The following CCDC91 variants were observed in gnomAD, a reference collection of about 807,000 sequenced individuals.
CCDC91 encodes coiled-coil domain-containing protein 91.
CCDC91 carries 48 observed loss-of-function variants against 63.2 expected under a neutral mutation model. The observed-to-expected ratio is 0.76, with a 90% CI of 0.60 to 0.97. CCDC91 has a LOEUF of 0.97. Among genes scored for constraint, CCDC91 ranks in the 50% least tolerant of loss-of-function variants. The pLI, the probability that CCDC91 is intolerant of heterozygous loss-of-function variation, is 0.00. For missense variants in CCDC91, 500 were observed against 494.6 expected, an observed-to-expected ratio of 1.01 and a Z score of -0.10; for synonymous variants, 167 against 165.8, an observed-to-expected ratio of 1.01 and a Z score of -0.06.
chr12:28,401,863 T>A (rs1425320180), intron 8 of CCDC91, among the ~76,000 whole-genome samples: 1 of 152,206 alleles, frequency 6.6e-6, no homozygotes, highest in Non-Finnish European at 1.5e-5. Flanking sequence ...TTTTCCTAGG[T>A]TAAGTTTGTG....
intron 6 of CCDC91, among the ~76,000 whole-genome samples, chr12:28,334,120 G>C (rs1941740001): frequency 6.6e-6 from 1 of 151,690 alleles, no homozygotes; most frequent in Non-Finnish European, 1.5e-5. Flanking sequence ...TGCAGGGAGG[G>C]GTTTATGAGT....
intron 6 of CCDC91, among the ~76,000 whole-genome samples, chr12:28,319,708 TAA>T (rs1940281012): frequency 6.6e-6 from 1 of 151,576 alleles, no homozygotes; most frequent in African/African-American, 2.4e-5. Context: ...AATATAATAA[TAA>T]GAGAAAAAGT....
At chr12:28,310,933 T>C (rs1565778101) in intron 6 of CCDC91, among the ~76,000 whole-genome samples, 1 of 152,048 alleles carries the variant, frequency 6.6e-6, no homozygotes, top group Non-Finnish European at 1.5e-5. Context: ...TAGTATTTTC[T>C]TACCCAAGTT....
rs184246228 is a variant in CCDC91, at chr12:28,290,479, A to C, written c.110-15170A>C. 1.0e-3 allele frequency among the ~76,000 whole-genome samples: 157 copies of C among 152,238 alleles called. 1 individual carries two copies. The highest frequency in any genetic ancestry group is 3.4e-3 in the African/African-American group (142 of 41,550). On this transcript the variant is annotated intron_variant, in intron 3 of 12. Coordinates refer to ENST00000536442, the MANE Select transcript of CCDC91 (RefSeq NM_018318.5). ...TCCAGCTTGCCACTCTGTGCCTTTTAATTAAGGCATTTAGCCCATTTACAT... is the reference window on the plus strand; with the variant it reads ...TCCAGCTTGCCACTCTGTGCCTTTTCATTAAGGCATTTAGCCCATTTACAT...
At chr12:28,383,960 G>A (rs1236223243) in intron 7 of CCDC91, among the ~76,000 whole-genome samples, 1 of 152,040 alleles carries the variant, frequency 6.6e-6, no homozygotes, top group African/African-American at 2.4e-5. Context: ...CTGAATTATA[G>A]GCAAACAAAG....
chr12:28,427,382 C>T lies in CCDC91; in HGVS notation c.763-22779C>T, dbSNP rs75867033. 8.1e-3 allele frequency among the ~76,000 whole-genome samples: 1,231 copies of T among 152,206 alleles called. 15 individuals carry two copies. Among genetic ancestry groups the T allele is most frequent in the African/African-American group, 0.029 (1,188 of 41,528 alleles). ...TTCATAATGGTTACACTTCTCTTCC[C>T]TTCGCCAGAACCATGAGAAGAGCTT... On this transcript the variant is annotated intron_variant, in intron 8 of 12. Transcript: ENST00000536442.
intron 1 of CCDC91, chr12:28,225,796 C>T (rs536931150): frequency 6.6e-6 from 1 of 152,298 alleles, no homozygotes; most frequent in East Asian, 1.9e-4. Context: ...TTTGTTTAGG[C>T]TTCTAACCCT....
intron 3 of CCDC91, among the ~76,000 whole-genome samples, chr12:28,280,161 A>G (rs1948511093): frequency 6.6e-6 from 1 of 152,146 alleles, no homozygotes; most frequent in African/African-American, 2.4e-5. Flanking sequence ...TTTCTCCTGT[A>G]TTTGATCTAT....
At chr12:28,441,801 C>T (rs1949239932) in intron 8 of CCDC91, among the ~76,000 whole-genome samples, 1 of 150,590 alleles carries the variant, frequency 6.6e-6, no homozygotes. Flanking sequence ...AGGAAAATAT[C>T]AGAACACTTG....
intron 8 of CCDC91, among the ~76,000 whole-genome samples, chr12:28,446,520 A>T (rs1285197003): frequency 6.6e-6 from 1 of 152,126 alleles, no homozygotes; most frequent in African/African-American, 2.4e-5. Flanking sequence ...TGTAGTTTTA[A>T]TATAAATACA....
intron 12 of CCDC91, among the ~76,000 whole-genome samples, chr12:28,510,293 G>A (rs1196754846): frequency 7.4e-6 from 1 of 134,760 alleles, no homozygotes; most frequent in Non-Finnish European, 1.7e-5. Flanking sequence ...TGGCTGTCAT[G>A]ATTCTGGAGG....
At chr12:28,266,712 A>C (rs1030578198) in intron 3 of CCDC91, among the ~76,000 whole-genome samples, 14 of 151,882 alleles carry the variant, frequency 9.2e-5, no homozygotes, top group Non-Finnish European at 2.1e-4. Context: ...TGTGGTGTGC[A>C]TTTTAGGATA....
intron 12 of CCDC91, among the ~76,000 whole-genome samples, chr12:28,490,242 C>G (rs561589075): frequency 1.1e-4 from 17 of 151,932 alleles, no homozygotes; most frequent in South Asian, 4.1e-4. Context: ...ATTAACAATT[C>G]AGCATCTGTG....
At chr12:28,405,399 T>C (rs1035625162) in intron 8 of CCDC91, among the ~76,000 whole-genome samples, 1 of 152,152 alleles carries the variant, frequency 6.6e-6, no homozygotes, top group Non-Finnish European at 1.5e-5. Flanking sequence ...GCTATTGTTA[T>C]TTTAAAGAAA....
chr12:28,403,890 A>G (rs1351815414), intron 8 of CCDC91, among the ~76,000 whole-genome samples: 5 of 151,950 alleles, frequency 3.3e-5, no homozygotes, highest in Admixed American at 1.3e-4. Flanking sequence ...CATTTCTGAC[A>G]TTAGTAATTT....
chr12:28,361,687 A>G (rs1943898141), intron 6 of CCDC91, among the ~76,000 whole-genome samples: 1 of 151,356 alleles, frequency 6.6e-6, no homozygotes, highest in Non-Finnish European at 1.5e-5. Context: ...TAGAATTTCT[A>G]TTTTATGGAT....
rs563929308 is a variant in CCDC91, at chr12:28,411,538, A to G, written c.762+20127A>G. Reference sequence around the variant, plus strand: ...AGCTAACTCTTGACTTCTTTGTCATATTTCACTTTCTCTTCCTTCCCTAAA... The same window carrying G: ...AGCTAACTCTTGACTTCTTTGTCATGTTTCACTTTCTCTTCCTTCCCTAAA... On this transcript the variant is annotated intron_variant, in intron 8 of 12. Transcript: ENST00000536442. Among the ~76,000 whole-genome samples, 7 of 152,288 alleles carry G rather than the reference A, an allele frequency of 4.6e-5. No homozygotes were observed. The South Asian group carries it at 1.2e-3, about 27-fold the overall frequency.
chr12:28,410,335 T>C (rs1341952894), intron 8 of CCDC91, among the ~76,000 whole-genome samples: 1 of 152,212 alleles, frequency 6.6e-6, no homozygotes, highest in Non-Finnish European at 1.5e-5. Context: ...GATATTAATA[T>C]AAGTTCTCCA....
chr12:28,484,322 G>C, intron 12 of CCDC91, 157 bp downstream of exon 12: 2 of 415,504 alleles, frequency 4.8e-6, no homozygotes, highest in Non-Finnish European at 8.6e-6. Context: ...TATGTATTCT[G>C]ATAGTTATGT....
Sources: gnomAD v4.1 joint callset for allele counts (sites outside exome capture counted in the v4.1 genomes callset) on GRCh38, gnomAD v4.1.1 for gene constraint, MANE v1.5 for transcripts, NCBI Gene and HGNC (gene_info 2026-07-23, HGNC 2026-07-21) for gene names.